The following BTG4 variants were observed in gnomAD, a reference collection of about 807,000 sequenced individuals.
BTG4 encodes BTG anti-proliferation factor 4.
Under a neutral mutation model 19.3 loss-of-function variants are expected in BTG4, and 10 were observed. The ratio of observed to expected loss-of-function variants is 0.52; its 90% CI spans 0.32 to 0.88. The LOEUF (loss-of-function observed/expected upper bound fraction) is 0.88, where lower values mean the gene tolerates loss of function less well. BTG4 is among the 40% of genes least tolerant of loss of function. The pLI, the probability that BTG4 is intolerant of heterozygous loss-of-function variation, is 0.04. For missense variants in BTG4, 238 were observed against 281.9 expected, an observed-to-expected ratio of 0.84 and a Z score of 1.11; for synonymous variants, 91 against 95.7, an observed-to-expected ratio of 0.95 and a Z score of 0.29.
chr11:111,468,243 GATGA>G (rs1863838800), intron 5 of BTG4, among the ~76,000 whole-genome samples: 1 of 152,184 alleles, frequency 6.6e-6, no homozygotes, highest in Non-Finnish European at 1.5e-5. Context: ...AAAGCAACTC[GATGA>G]AATAGACGAG....
intron 1 of BTG4, among the ~76,000 whole-genome samples, chr11:111,505,723 A>T (rs1319858015): frequency 1.3e-5 from 2 of 152,120 alleles, no homozygotes; most frequent in African/African-American, 4.8e-5. Flanking sequence ...TTTACAAATT[A>T]TACCTCCAAC....
chr11:111,507,001 T>A (rs1045476408), intron 1 of BTG4, among the ~76,000 whole-genome samples: 1 of 151,752 alleles, frequency 6.6e-6, no homozygotes, highest in Non-Finnish European at 1.5e-5. Flanking sequence ...ATATATTCTA[T>A]GAATATAGAG....
chr11:111,459,944 G>A, the BTG4 span, among the ~76,000 whole-genome samples: 1 of 152,032 alleles, frequency 6.6e-6, no homozygotes, highest in East Asian at 1.9e-4. Flanking sequence ...AATTAAAGGT[G>A]CCCAAAGATT....
the BTG4 span, among the ~76,000 whole-genome samples, chr11:111,391,695 G>C: frequency 1.3e-5 from 2 of 152,112 alleles, no homozygotes; most frequent in Non-Finnish European, 2.9e-5. Flanking sequence ...TTCCATTTGT[G>C]TTCCTTTGGG....
chr11:111,429,230 G>A, the BTG4 span, among the ~76,000 whole-genome samples: 3 of 152,042 alleles, frequency 2.0e-5, no homozygotes, highest in Admixed American at 2.0e-4. Flanking sequence ...GCCCCCTACT[G>A]ACAAAGCTTA....
downstream of BTG4, among the ~76,000 whole-genome samples, chr11:111,493,760 T>A (rs1298941253): frequency 6.6e-6 from 1 of 152,036 alleles, no homozygotes; most frequent in East Asian, 1.9e-4. Context: ...CCATTAAGGG[T>A]AGGTGAGTTT....
At chr11:111,432,527 C>T in the BTG4 span, among the ~76,000 whole-genome samples, 1 of 152,044 alleles carries the variant, frequency 6.6e-6, no homozygotes, top group Non-Finnish European at 1.5e-5. Context: ...GCCTGTAATC[C>T]CAGCTACTTG....
chr11:111,513,228 C>T (rs1867079137), upstream of BTG4, among the ~76,000 whole-genome samples: 1 of 152,232 alleles, frequency 6.6e-6, no homozygotes, highest in Admixed American at 6.5e-5. Context: ...ATGAAACAGT[C>T]TCATGCCAGG....
the BTG4 span, among the ~76,000 whole-genome samples, chr11:111,393,388 A>G: frequency 6.6e-6 from 1 of 152,166 alleles, no homozygotes; most frequent in Non-Finnish European, 1.5e-5. Context: ...ACCCTCAGGC[A>G]GCAGCAGCAG....
chr11:111,437,870 A>T, the BTG4 span, among the ~76,000 whole-genome samples: 1 of 152,020 alleles, frequency 6.6e-6, no homozygotes, highest in Non-Finnish European at 1.5e-5. Context: ...ATCTTTAATG[A>T]TCTCTATCCT....
chr11:111,474,833 A>G (rs1465638386), intron 5 of BTG4, among the ~76,000 whole-genome samples: 3 of 151,854 alleles, frequency 2.0e-5, no homozygotes, highest in African/African-American at 4.8e-5. Flanking sequence ...TACTGTTTTC[A>G]TTTTTCTGGT....
downstream of BTG4, chr11:111,462,960 C>T (rs1269903383): frequency 6.5e-6 from 1 of 152,696 alleles, no homozygotes; most frequent in East Asian, 1.9e-4. Flanking sequence ...GGTAGGTGGG[C>T]TCAAGGAACC....
chr11:111,404,633 A>G, the BTG4 span: 2 of 456,276 alleles, frequency 4.4e-6, no homozygotes, highest in South Asian at 3.1e-5. Context: ...TCTCTGATGA[A>G]GAAATACATA....
chr11:111,408,159 G>C, the BTG4 span, among the ~76,000 whole-genome samples: 1 of 152,260 alleles, frequency 6.6e-6, no homozygotes, highest in Non-Finnish European at 1.5e-5. Context: ...CAGAGGACAG[G>C]TGGAGATGGT....
At chr11:111,424,068 C>T in the BTG4 span, among the ~76,000 whole-genome samples, 7 of 152,220 alleles carry the variant, frequency 4.6e-5, no homozygotes, top group African/African-American at 1.7e-4. Context: ...TGAGCACAGG[C>T]TCAGAGGCTT....
At chr11:111,433,575 G>A in the BTG4 span, among the ~76,000 whole-genome samples, 1 of 152,158 alleles carries the variant, frequency 6.6e-6, no homozygotes, top group Non-Finnish European at 1.5e-5. Flanking sequence ...AAACTAAAGA[G>A]CTTCTTCACA....
the BTG4 span, among the ~76,000 whole-genome samples, chr11:111,408,401 C>T: frequency 2.0e-5 from 3 of 152,104 alleles, no homozygotes; most frequent in South Asian, 4.2e-4. Flanking sequence ...TGAGGCTGCT[C>T]GGGAATGAGT....
downstream of BTG4, among the ~76,000 whole-genome samples, chr11:111,492,757 C>G (rs762153416): frequency 1.4e-4 from 21 of 152,148 alleles, no homozygotes; most frequent in Admixed American, 9.2e-4. Context: ...GTAAACTGGA[C>G]TTGGGGATCA....
chr11:111,387,872 C>T, the BTG4 span, among the ~76,000 whole-genome samples: 2 of 152,074 alleles, frequency 1.3e-5, no homozygotes, highest in Admixed American at 6.5e-5. Flanking sequence ...GTCCAAGGCA[C>T]AGAGACCTTT....
Sources: gnomAD v4.1 joint callset for allele counts (sites outside exome capture counted in the v4.1 genomes callset) on GRCh38, gnomAD v4.1.1 for gene constraint, MANE v1.5 for transcripts, NCBI Gene and HGNC (gene_info 2026-07-23, HGNC 2026-07-21) for gene names.